The following SYNE1 variants were observed in gnomAD, a reference collection of about 807,000 sequenced individuals.
SYNE1 encodes nesprin-1.
SYNE1 carries 616 observed loss-of-function variants against 1,111.0 expected under a neutral mutation model. The observed-to-expected ratio is 0.55, with a 90% CI of 0.52 to 0.59. SYNE1 has a LOEUF of 0.59. Ranked by LOEUF, SYNE1 falls within the 20% of genes least tolerant of loss-of-function variation. SYNE1 has a pLI of 0.00. For synonymous variants in SYNE1, 3,855 were observed against 3,825.8 expected, an observed-to-expected ratio of 1.01 and a Z score of -0.28; for missense variants, 10,006 against 10,417.0, an observed-to-expected ratio of 0.96 and a Z score of 1.72.
intron 3 of SYNE1, among the ~76,000 whole-genome samples, chr6:152,556,755 A>C (rs1357657655): frequency 6.6e-6 from 1 of 152,208 alleles, no homozygotes; most frequent in Non-Finnish European, 1.5e-5. Flanking sequence ...ATGCCTATCC[A>C]TGAACCCTTC....
In SYNE1 at chr6:152,425,373, G is replaced by C; in HGVS notation, c.5267+8C>G. ...ACAATATTAGAAGATTTATCTTTTA[G>C]AACCAACCTTTTGTTAATGATCTGT... On this transcript the variant is annotated splice_region_variant and intron_variant, in intron 39 of 145. Coordinates refer to ENST00000367255, the MANE Select transcript of SYNE1 (RefSeq NM_182961.4). 1 of 1,613,470 alleles carries C rather than the reference G, an allele frequency of 6.2e-7. No individual in the cohort carries two copies. Among genetic ancestry groups the C allele is most frequent in the Non-Finnish European group, 8.5e-7 (1 of 1,179,516 alleles).
At chr6:152,292,933 C>T (rs554647767) in intron 95 of SYNE1, among the ~76,000 whole-genome samples, 2 of 152,340 alleles carry the variant, frequency 1.3e-5, no homozygotes, top group Admixed American at 1.3e-4. Flanking sequence ...CCTCATTAGA[C>T]TGCTAAAGTA....
chr6:152,182,911 A>G (rs2068535865), intron 128 of SYNE1, among the ~76,000 whole-genome samples: 1 of 152,182 alleles, frequency 6.6e-6, no homozygotes, highest in African/African-American at 2.4e-5. Flanking sequence ...CCTACTAAGT[A>G]TTTCCCCATT....
At position 152,230,702 on chromosome 6, in the gene SYNE1, T is replaced by G. The variant is rs746037945; in HGVS notation, c.21040A>C (p.Ile7014Leu). 1.1e-5 allele frequency: 18 copies of G among 1,613,750 alleles called. No homozygotes were observed. The Middle Eastern group carries it at 6.6e-4, about 59-fold the overall frequency. ...QILQGLVTEK[I>L]QLLEGLLESW... ...TCCAATAAGCCTTCCAACAGCTGGA[T>G]CTGAACAAACACAATAAAATGAAAT... Residue 7014 changes from isoleucine (I) to leucine (L), a missense_variant and splice_region_variant, in exon 115 of 146, where the codon ATC becomes CTC. Coordinates refer to ENST00000367255, the MANE Select transcript of SYNE1 (RefSeq NM_182961.4).
chr6:152,162,120 T>C (rs1321889462), intron 131 of SYNE1, among the ~76,000 whole-genome samples: 1 of 152,238 alleles, frequency 6.6e-6, no homozygotes, highest in Non-Finnish European at 1.5e-5. Flanking sequence ...AGGAGGAATC[T>C]GCCAGTCTCA....
intron 3 of SYNE1, among the ~76,000 whole-genome samples, chr6:152,603,798 T>A (rs535349041): frequency 5.0e-5 from 6 of 120,384 alleles, no homozygotes; most frequent in African/African-American, 2.0e-4. Context: ...TTATTTTATA[T>A]ACATATATAG....
chr6:152,172,593 A>C (rs1475224111), intron 130 of SYNE1, among the ~76,000 whole-genome samples: 2 of 152,340 alleles, frequency 1.3e-5, no homozygotes, highest in East Asian at 3.9e-4. Flanking sequence ...AACATTGAAG[A>C]ATTAATACTA....
chr6:152,635,940 C>T (rs2099705152), intron 2 of SYNE1, among the ~76,000 whole-genome samples: 1 of 152,192 alleles, frequency 6.6e-6, no homozygotes, highest in Non-Finnish European at 1.5e-5. Context: ...CAAGGGGCTT[C>T]TTCCTGTGCG....
At chr6:152,316,086 T>G (rs1208422114) in intron 87 of SYNE1, 1 of 152,312 alleles carries the variant, frequency 6.6e-6, no homozygotes, top group Non-Finnish European at 1.5e-5. Context: ...AATTTAAGCT[T>G]AAGTTACAAA....
chr6:152,236,089 A>G lies in SYNE1; in HGVS notation c.20396+18T>C, dbSNP rs2153534765. On this transcript the variant is annotated intron_variant, in intron 110 of 145. Coordinates refer to ENST00000367255, the MANE Select transcript of SYNE1 (RefSeq NM_182961.4). ...TGCAGCACTTATCTAAAAATATACA[A>G]AACAGTCATTGTATTACCTGGTCCA... The G allele has an allele frequency of 6.2e-7, 1 of 1,612,940 alleles. No homozygotes were observed. Among genetic ancestry groups the G allele is most frequent in the Admixed American group, 1.7e-5 (1 of 60,028 alleles).
intron 87 of SYNE1, among the ~76,000 whole-genome samples, chr6:152,313,826 G>A (rs960021834): frequency 3.3e-5 from 5 of 152,160 alleles, no homozygotes; most frequent in African/African-American, 1.2e-4. Flanking sequence ...AGAGTCTACA[G>A]TCTGCGTTCT....
chr6:152,519,721 A>G (rs2099129584), intron 6 of SYNE1, among the ~76,000 whole-genome samples: 1 of 152,212 alleles, frequency 6.6e-6, no homozygotes, highest in African/African-American at 2.4e-5. Flanking sequence ...GAGGAAAAGC[A>G]GAAACTTAGC....
Position 152,358,367 on chromosome 6 carries a change from C to A in SYNE1, c.10608+6G>T, listed in dbSNP as rs1470021286. Reference sequence around the variant, plus strand: ...TTCCTTTGTTTTAGGATAAAGGAGGCCTTACCTGAAGATCACGCAATGTTG... The same window carrying A: ...TTCCTTTGTTTTAGGATAAAGGAGGACTTACCTGAAGATCACGCAATGTTG... On this transcript the variant is annotated splice_donor_region_variant and intron_variant, in intron 66 of 145. Coordinates refer to ENST00000367255, the MANE Select transcript of SYNE1 (RefSeq NM_182961.4). 4 of 1,614,116 alleles carry A rather than the reference C, an allele frequency of 2.5e-6. No individual in the cohort carries two copies. The highest frequency in any genetic ancestry group is 3.4e-6 in the Non-Finnish European group (4 of 1,180,020).
rs2098921137 is a variant in SYNE1 at position 152,483,551 on chromosome 6, A to C, written c.1186-302T>G. Among the ~76,000 whole-genome samples, 3 of 152,274 alleles carry C rather than the reference A, an allele frequency of 2.0e-5. No individual in the cohort carries two copies. In the South Asian group the frequency reaches 6.2e-4, roughly 32 times the overall value. ...TAGCATGAAGCACCCACTGATTTTC[A>C]GTGTGGCTTTTGCTGAAAGGGAAGG... is the stretch of plus-strand genomic sequence containing the variant. On this transcript the variant is annotated intron_variant, in intron 13 of 145. Coordinates refer to ENST00000367255, the MANE Select transcript of SYNE1 (RefSeq NM_182961.4).
In SYNE1 at chr6:152,216,329, C is replaced by T. The variant is rs145533421; in HGVS notation, c.22192-1269G>A. On this transcript the variant is annotated intron_variant, in intron 121 of 145. Transcript: ENST00000367255. ...GTAGTCAAAAGTGCAACAGTAGTCC[C>T]CTACTCACAGGAATGTAATTAAATG... Among the ~76,000 whole-genome samples the T allele has an allele frequency of 1.3e-3, 200 of 152,214 alleles. 1 individual carries two copies. Among genetic ancestry groups the T allele is most frequent in the African/African-American group, 4.7e-3 (194 of 41,540 alleles).
chr6:152,379,549 A>G (rs1029585275), intron 56 of SYNE1, among the ~76,000 whole-genome samples: 1 of 152,160 alleles, frequency 6.6e-6, no homozygotes, highest in Non-Finnish European at 1.5e-5. Context: ...CATATTTACT[A>G]TTTTGTTAAC....
Position 152,189,247 on chromosome 6 carries a change from C to T in SYNE1, c.23301+5G>A. On this transcript the variant is annotated splice_donor_5th_base_variant and intron_variant, in intron 128 of 145. Transcript: ENST00000367255. ...AGATAATTCCATTTTTAGAACTTAT[C>T]TTACCTGGTGGCATAGTTCTTCCCA... The T allele has an allele frequency of 1.2e-6, 2 of 1,613,508 alleles. No homozygotes were observed. The highest frequency in any genetic ancestry group is 3.3e-4 in the Middle Eastern group (2 of 6,056).
At chr6:152,443,156 T>A (rs930951727) in intron 30 of SYNE1, among the ~76,000 whole-genome samples, 1 of 152,174 alleles carries the variant, frequency 6.6e-6, no homozygotes, top group African/African-American at 2.4e-5. Context: ...CATTTTAAAA[T>A]ATTAACATAA....
chr6:152,547,475 T>C (rs1482138783), intron 3 of SYNE1, among the ~76,000 whole-genome samples: 1 of 152,220 alleles, frequency 6.6e-6, no homozygotes, highest in African/African-American at 2.4e-5. Context: ...GAGATTTCCT[T>C]GCAGAATGCT....
Sources: gnomAD v4.1 joint callset for allele counts (sites outside exome capture counted in the v4.1 genomes callset) on GRCh38, gnomAD v4.1.1 for gene constraint, MANE v1.5 for transcripts, NCBI Gene and HGNC (gene_info 2026-07-23, HGNC 2026-07-21) for gene names.